The following ADAM22 variants were observed in gnomAD, a reference collection of about 807,000 sequenced individuals.
The protein encoded by ADAM22 is disintegrin and metalloproteinase domain-containing protein 22.
ADAM22 carries 65 observed loss-of-function variants against 144.6 expected under a neutral mutation model. The ratio of observed to expected loss-of-function variants is 0.45; its 90% CI spans 0.37 to 0.55. ADAM22 has a LOEUF of 0.55. Ranked by LOEUF, ADAM22 falls within the 20% of genes least tolerant of loss-of-function variation. The pLI, the probability that ADAM22 is intolerant of heterozygous loss-of-function variation, is 0.00. For missense variants in ADAM22, 974 were observed against 1,184.9 expected, an observed-to-expected ratio of 0.82 and a Z score of 2.61; for synonymous variants, 391 against 412.6, an observed-to-expected ratio of 0.95 and a Z score of 0.63.
chr7:88,022,819 A>G (rs1369133408), intron 3 of ADAM22, among the ~76,000 whole-genome samples: 2 of 152,214 alleles, frequency 1.3e-5, no homozygotes, highest in Non-Finnish European at 2.9e-5. Flanking sequence ...GAAAAAAACT[A>G]TAACTTTATA....
In ADAM22 at chr7:88,132,924, G is replaced by A. The variant is rs780863938; in HGVS notation, c.1050G>A (p.Ser350=). 14 of 1,614,034 alleles carry A rather than the reference G, an allele frequency of 8.7e-6. No homozygotes were observed. Among genetic ancestry groups the A allele is most frequent in the South Asian group, 4.4e-5 (4 of 91,084 alleles). ...SGAAYIGGIC[S]LLKGGGVNEF... ...CAGCTTATATTGGTGGGATTTGCTCGTTGCTGAAAGGAGGAGGCGTGAATG... is the reference window on the plus strand; with the variant it reads ...CAGCTTATATTGGTGGGATTTGCTCATTGCTGAAAGGAGGAGGCGTGAATG... Residue 350 remains serine, a synonymous_variant, in exon 12 of 32, where the codon TCG becomes TCA. Transcript: ENST00000413139.
chr7:88,107,137 T>A (rs1204180099), intron 4 of ADAM22, among the ~76,000 whole-genome samples: 1 of 152,102 alleles, frequency 6.6e-6, no homozygotes, highest in Non-Finnish European at 1.5e-5. Context: ...ATGATTTATA[T>A]TCATTTTTAC....
At chr7:88,086,929 TA>T (rs1300047619) in intron 4 of ADAM22, among the ~76,000 whole-genome samples, 1 of 152,214 alleles carries the variant, frequency 6.6e-6, no homozygotes, top group African/African-American at 2.4e-5. Context: ...TTTATTACAG[TA>T]ATAACTTTTA....
chr7:88,181,639 A>G (rs542227179), intron 28 of ADAM22, 34 bp downstream of exon 28: 2 of 1,571,240 alleles, frequency 1.3e-6, no homozygotes, highest in African/African-American at 2.7e-5. Flanking sequence ...GTCTGTCCAC[A>G]TAATCAAGTT....
At chr7:88,143,193 A>G (rs1835310934) in intron 15 of ADAM22, 68 bp downstream of exon 15, 5 of 1,103,130 alleles carry the variant, frequency 4.5e-6, no homozygotes, top group Non-Finnish European at 6.7e-6. Context: ...ACAAATACAC[A>G]TTTTCAGCTA....
At chr7:87,934,859 C>T (rs773885594) in intron 1 of ADAM22, 167 bp from the exon 2 acceptor site, 3 of 961,076 alleles carry the variant, frequency 3.1e-6, no homozygotes, top group Non-Finnish European at 4.8e-6. Context: ...TGGTCCAAGG[C>T]TCTCGGGCTG....
At chr7:87,983,828 T>G (rs76884640) in intron 3 of ADAM22, among the ~76,000 whole-genome samples, 1 of 152,284 alleles carries the variant, frequency 6.6e-6, no homozygotes, top group South Asian at 2.1e-4. Context: ...ATATTTTAAG[T>G]AATAGGTATT....
At chr7:88,130,526 T>A in intron 10 of ADAM22, 67 bp downstream of exon 10, 1 of 1,463,144 alleles carries the variant, frequency 6.8e-7, no homozygotes, top group Non-Finnish European at 9.5e-7. Context: ...ATAGAATGGA[T>A]AATATGATTC....
Position 88,108,261 on chromosome 7 carries a change from A to G in ADAM22, c.473+3A>G, listed in dbSNP as rs779719497. The G allele has an allele frequency of 3.1e-6, 5 of 1,611,618 alleles. No homozygotes were observed. The South Asian group carries it at 4.4e-5, about 14-fold the overall frequency. ...TTGTCAACATGCCACGGACTTCAGT[A>G]AGTGTTCAAAAAGTTATTTTTACTG... is the stretch of plus-strand genomic sequence containing the variant. On this transcript the variant is annotated splice_donor_region_variant and intron_variant, in intron 5 of 31. Transcript: ENST00000413139.
At chr7:88,051,349 C>G (rs1806288987) in intron 3 of ADAM22, among the ~76,000 whole-genome samples, 1 of 152,156 alleles carries the variant, frequency 6.6e-6, no homozygotes, top group Non-Finnish European at 1.5e-5. Flanking sequence ...GGCACATATA[C>G]ACCATGGAAT....
In ADAM22 at chr7:88,119,764, C is replaced by G. The variant is rs566786468; in HGVS notation, c.607+2950C>G. Among the ~76,000 whole-genome samples, 3 of 152,282 alleles carry G rather than the reference C, an allele frequency of 2.0e-5. No homozygotes were observed. In the South Asian group the frequency reaches 6.2e-4, roughly 32 times the overall value. On this transcript the variant is annotated intron_variant, in intron 7 of 31. Coordinates refer to ENST00000413139, the MANE Select transcript of ADAM22 (RefSeq NM_001324418.2). ...TTGGCCTCCCAGAGTGCTGGGATTA[C>G]TGGCATGAGCCACTGCGCCCGGCCT...
intron 8 of ADAM22, among the ~76,000 whole-genome samples, chr7:88,128,297 A>G (rs1443904942): frequency 6.6e-6 from 1 of 152,098 alleles, no homozygotes; most frequent in East Asian, 1.9e-4. Flanking sequence ...TATGTGCAGA[A>G]GTATTTTTGG....
At chr7:88,147,541 A>G (rs1836888304) in intron 17 of ADAM22, among the ~76,000 whole-genome samples, 2 of 152,218 alleles carry the variant, frequency 1.3e-5, no homozygotes. Context: ...CTTTATTTAT[A>G]AAGATAGGCA....
intron 4 of ADAM22, among the ~76,000 whole-genome samples, chr7:88,078,892 G>A (rs1475808447): frequency 1.3e-5 from 2 of 152,172 alleles, no homozygotes; most frequent in African/African-American, 4.8e-5. Flanking sequence ...GAAAGTGACG[G>A]GGAGAATGGA....
chr7:88,001,978 C>G (rs1279461877), intron 3 of ADAM22, among the ~76,000 whole-genome samples: 1 of 151,720 alleles, frequency 6.6e-6, no homozygotes, highest in Non-Finnish European at 1.5e-5. Flanking sequence ...TTTTTTTTTA[C>G]TTTAAAATGG....
intron 3 of ADAM22, among the ~76,000 whole-genome samples, chr7:87,982,068 T>TACAC (rs1175758724): frequency 0.05 from 4,654 of 93,514 alleles, 146 homozygotes; most frequent in South Asian, 0.08. Context: ...TATATATATA[T>TACAC]ACACACACAC....
chr7:88,026,580 T>C (rs1799079884), intron 3 of ADAM22, among the ~76,000 whole-genome samples: 1 of 152,256 alleles, frequency 6.6e-6, no homozygotes, highest in Non-Finnish European at 1.5e-5. Context: ...GTTGTTTTTA[T>C]ATCCTGCAAT....
intron 3 of ADAM22, among the ~76,000 whole-genome samples, chr7:87,990,828 A>G (rs1789652570): frequency 6.6e-6 from 1 of 151,764 alleles, no homozygotes. Flanking sequence ...ATATCCAACT[A>G]ATTTTTTTGT....
At chr7:88,148,920 A>T in intron 17 of ADAM22, 57 bp from the exon 18 acceptor site, 1 of 1,310,288 alleles carries the variant, frequency 7.6e-7, no homozygotes, top group Non-Finnish European at 1.1e-6. Flanking sequence ...TTTAGATGAT[A>T]TTGTAAGATT....
Sources: allele counts gnomAD v4.1 joint callset (sites outside exome capture counted in the v4.1 genomes callset), GRCh38; gene constraint gnomAD v4.1.1; transcripts MANE v1.5; gene names NCBI Gene and HGNC (gene_info 2026-07-23, HGNC 2026-07-21).